The following PRELID2 variants were observed in gnomAD, a reference collection of about 807,000 sequenced individuals.
PRELID2 encodes the protein PRELI domain-containing protein 2.
Under a neutral mutation model 28.4 loss-of-function variants are expected in PRELID2, and 25 were observed. That is an observed-to-expected ratio of 0.88 (90% CI 0.64 to 1.23). The LOEUF (loss-of-function observed/expected upper bound fraction) is 1.23, where lower values mean the gene tolerates loss of function less well. Among genes scored for constraint, PRELID2 ranks in the 50% most tolerant of loss-of-function variants. The probability of loss-of-function intolerance (pLI) is 0.00; values close to 1 mark genes in which losing one functional copy is unlikely to be tolerated. For synonymous variants in PRELID2, 76 were observed against 71.6 expected, an observed-to-expected ratio of 1.06 and a Z score of -0.31; for missense variants, 201 against 214.4, an observed-to-expected ratio of 0.94 and a Z score of 0.39.
chr5:145,454,639 GACAA>G, the PRELID2 span, among the ~76,000 whole-genome samples: 54 of 152,174 alleles, frequency 3.5e-4, no homozygotes, highest in African/African-American at 1.2e-3. Context: ...ACCAATAACA[GACAA>G]ACAGAGAGCC....
intron 1 of PRELID2, among the ~76,000 whole-genome samples, chr5:145,666,942 T>C (rs1398044983): frequency 6.6e-6 from 1 of 151,442 alleles, no homozygotes; most frequent in Non-Finnish European, 1.5e-5. Flanking sequence ...ATTTAAGATA[T>C]TTAAAACCTC....
At chr5:145,700,216 C>G (rs1253515481) in intron 1 of PRELID2, among the ~76,000 whole-genome samples, 2 of 151,932 alleles carry the variant, frequency 1.3e-5, no homozygotes, top group East Asian at 3.9e-4. Context: ...TTCCATCGCC[C>G]CTAGACATCA....
At chr5:145,487,308 G>C (rs1257952177) in intron 1 of PRELID2, among the ~76,000 whole-genome samples, 1 of 152,032 alleles carries the variant, frequency 6.6e-6, no homozygotes, top group East Asian at 1.9e-4. Context: ...CCCAAACAGA[G>C]CATACGGGAT....
chr5:145,814,263 T>C (rs1229014048), intron 4 of PRELID2, among the ~76,000 whole-genome samples: 1 of 152,178 alleles, frequency 6.6e-6, no homozygotes, highest in African/African-American at 2.4e-5. Context: ...AGCTCAAATA[T>C]GTGCAAAAAT....
At chr5:145,485,575 C>T (rs982467432) in intron 1 of PRELID2, among the ~76,000 whole-genome samples, 4 of 152,154 alleles carry the variant, frequency 2.6e-5, no homozygotes, top group African/African-American at 9.7e-5. Context: ...TTGGCTTCCT[C>T]GCTCGCTATC....
At chr5:145,604,218 A>G (rs1274161528) in intron 1 of PRELID2, among the ~76,000 whole-genome samples, 1 of 152,022 alleles carries the variant, frequency 6.6e-6, no homozygotes, top group Admixed American at 6.6e-5. Flanking sequence ...TACCCAATAG[A>G]CAGATTTTTT....
the PRELID2 span, among the ~76,000 whole-genome samples, chr5:145,413,464 G>T: frequency 2.6e-5 from 4 of 152,096 alleles, no homozygotes; most frequent in Non-Finnish European, 5.9e-5. Context: ...ATTTGATCCA[G>T]AATCCCACTA....
At chr5:145,381,850 C>T in the PRELID2 span, among the ~76,000 whole-genome samples, 3 of 152,000 alleles carry the variant, frequency 2.0e-5, no homozygotes, top group Non-Finnish European at 4.4e-5. Flanking sequence ...AAAGTATCAT[C>T]TACTGTGTTC....
intron 1 of PRELID2, among the ~76,000 whole-genome samples, chr5:145,639,690 G>A (rs1042711266): frequency 6.6e-6 from 1 of 152,184 alleles, no homozygotes; most frequent in Admixed American, 6.5e-5. Flanking sequence ...TTGGGAAAGT[G>A]CGTTGGGTTG....
chr5:145,447,619 C>T, the PRELID2 span, among the ~76,000 whole-genome samples: 5 of 101,886 alleles, frequency 4.9e-5, no homozygotes, highest in Admixed American at 4.4e-4. Flanking sequence ...TATCCCTCCC[C>T]CCTCCCCCCA....
intron 1 of PRELID2, among the ~76,000 whole-genome samples, chr5:145,527,552 A>T (rs1219365980): frequency 6.6e-6 from 1 of 152,220 alleles, no homozygotes; most frequent in Admixed American, 6.5e-5. Context: ...GAAGTTTTTA[A>T]AGCCTCTGAA....
chr5:145,416,752 C>T, the PRELID2 span, among the ~76,000 whole-genome samples: 1 of 151,780 alleles, frequency 6.6e-6, no homozygotes, highest in Non-Finnish European at 1.5e-5. Context: ...GAAAAGCAAA[C>T]AAACCCCAAA....
the PRELID2 span, among the ~76,000 whole-genome samples, chr5:145,276,507 A>C: frequency 6.6e-6 from 1 of 152,162 alleles, no homozygotes; most frequent in African/African-American, 2.4e-5. Context: ...ACTAGCGCCA[A>C]CAAAATTCAC....
At chr5:145,730,473 G>A (rs1756307096) in intron 1 of PRELID2, among the ~76,000 whole-genome samples, 1 of 152,138 alleles carries the variant, frequency 6.6e-6, no homozygotes, top group Admixed American at 6.5e-5. Flanking sequence ...CCATGAACAG[G>A]AGTCATTTGT....
rs570972955 is a variant in PRELID2, at chr5:145,618,828, C to G, written n.71-145513G>C. On this transcript the variant is annotated intron_variant and non_coding_transcript_variant, in intron 1 of 2. Transcript: ENST00000510259. Reference sequence around the variant, plus strand: ...GGGGACAAGGCTAGGCATGTCTCAGCTCAGACCCTCCTTGGGTGGGTCTTG... The same window carrying G: ...GGGGACAAGGCTAGGCATGTCTCAGGTCAGACCCTCCTTGGGTGGGTCTTG... Among the ~76,000 whole-genome samples, 3 of 152,248 alleles carry G rather than the reference C, an allele frequency of 2.0e-5. No individual in the cohort carries two copies. In the East Asian group the frequency reaches 5.8e-4, roughly 29 times the overall value.
At chr5:145,248,677 GTCCCAGC>G in the PRELID2 span, among the ~76,000 whole-genome samples, 1 of 152,006 alleles carries the variant, frequency 6.6e-6, no homozygotes, top group Admixed American at 6.6e-5. Flanking sequence ...CACACCTGTA[GTCCCAGC>G]TACTTGGGAG....
rs183148993 is a variant in PRELID2 at position 145,635,288 on chromosome 5, C to A, written n.70+129643G>T. Among the ~76,000 whole-genome samples the A allele has an allele frequency of 2.0e-5, 3 of 152,184 alleles. No individual in the cohort carries two copies. In the East Asian group the frequency reaches 5.8e-4, roughly 29 times the overall value. On this transcript the variant is annotated intron_variant and non_coding_transcript_variant, in intron 1 of 2. Transcript: ENST00000510259. ...GAATCTAAAATGGGTTTAGTCATCA[C>A]AGAATCTAAAATGGTTCTTAATAAA...
intron 1 of PRELID2, among the ~76,000 whole-genome samples, chr5:145,605,353 G>A (rs889960240): frequency 2.0e-5 from 3 of 151,956 alleles, no homozygotes; most frequent in Admixed American, 6.6e-5. Flanking sequence ...TTTTGTATAC[G>A]GTGTAAGGAA....
chr5:145,338,580 G>A, the PRELID2 span, among the ~76,000 whole-genome samples: 1 of 152,110 alleles, frequency 6.6e-6, no homozygotes, highest in Non-Finnish European at 1.5e-5. Flanking sequence ...AAGAAACTTT[G>A]ATATTTAATA....
Sources: allele counts gnomAD v4.1 joint callset (sites outside exome capture counted in the v4.1 genomes callset), GRCh38; gene constraint gnomAD v4.1.1; transcripts MANE v1.5; gene names NCBI Gene and HGNC (gene_info 2026-07-23, HGNC 2026-07-21).